LRRK1: variants seen among roughly 807,000 people sequenced by gnomAD.
The protein encoded by LRRK1 is leucine-rich repeat serine/threonine-protein kinase 1.
Under a neutral mutation model 209.1 loss-of-function variants are expected in LRRK1, and 113 were observed. The observed-to-expected ratio is 0.54, with a 90% CI of 0.46 to 0.63. LRRK1 has a LOEUF of 0.63. Ranked by LOEUF, LRRK1 falls within the 30% of genes least tolerant of loss-of-function variation. LRRK1 has a pLI of 0.00. For missense variants in LRRK1, 2,284 were observed against 2,632.2 expected (o/e 0.87, Z 2.89); for synonymous variants, 1,144 against 1,099.7 (o/e 1.04, Z -0.80).
At chr15:101,007,326 A>C (rs1330005231) in intron 6 of LRRK1, among the ~76,000 whole-genome samples, 1 of 152,204 alleles carries the variant, frequency 6.6e-6, no homozygotes, top group African/African-American at 2.4e-5. Flanking sequence ...GCTTCGAAGA[A>C]ACAGACCCAA....
chr15:101,067,421 ATGTGTGTGTGTGTG>A (rs57333844), intron 33 of LRRK1: 12,779 of 295,202 alleles, frequency 0.043, 9 homozygotes, highest in South Asian at 0.076. Context: ...CTCAGTTCAA[ATGTGTGTGTGTGTG>A]TGTGTGTGTG....
chr15:100,938,044 A>G (rs1180494744), intron 2 of LRRK1, among the ~76,000 whole-genome samples: 2 of 149,494 alleles, frequency 1.3e-5, no homozygotes, highest in African/African-American at 5.0e-5. Flanking sequence ...TTTTTTGTAG[A>G]GATGGGGGTT....
intron 2 of LRRK1, among the ~76,000 whole-genome samples, chr15:100,956,457 T>TTTTCTTTTCTTTTC (rs1307728532): frequency 1.3e-4 from 15 of 115,226 alleles, no homozygotes; most frequent in African/African-American, 3.7e-4. Flanking sequence ...TTTTTTTTCT[T>TTTTCTTTTCTTTTC]TTTTTTTTTT....
intron 3 of LRRK1, among the ~76,000 whole-genome samples, chr15:100,976,987 A>G (rs1312455335): frequency 1.3e-5 from 2 of 152,224 alleles, no homozygotes; most frequent in African/African-American, 4.8e-5. Flanking sequence ...TCTTCTTCTC[A>G]CTAAGTGCAC....
chr15:100,990,858 A>G (rs539825399), intron 6 of LRRK1, among the ~76,000 whole-genome samples: 2 of 152,146 alleles, frequency 1.3e-5, no homozygotes, highest in African/African-American at 4.8e-5. Context: ...CAATATGTTC[A>G]TCTTCTCCTT....
At position 101,022,063 on chromosome 15, in the gene LRRK1, A is replaced by C. The variant is rs183101445; in HGVS notation, c.1852+106A>C. On this transcript the variant is annotated intron_variant, in intron 14 of 33. Transcript: ENST00000388948. The surrounding 1 kb of genome is among the most constrained non-coding windows in gnomAD (Gnocchi z 4.0). ...AGACAGTTGGTGACCCATGGAGCCC[A>C]GCTCCAGGTTCCAGATTTGACAAGA... 1.2e-5 allele frequency: 9 copies of C among 770,034 alleles called. No homozygotes were observed. In the East Asian group the frequency reaches 1.3e-4, roughly 11 times the overall value. 47.7% of individuals were successfully genotyped at this position (770,034 alleles called of 1,614,324 possible).
At chr15:101,015,270 A>C (rs1567233766) in intron 11 of LRRK1, 56 bp from the exon 12 acceptor site, 1 of 1,410,746 alleles carries the variant, frequency 7.1e-7, no homozygotes, top group African/African-American at 1.4e-5. Context: ...ATCACAGCCA[A>C]AAGTAATGCT....
intron 2 of LRRK1, among the ~76,000 whole-genome samples, chr15:100,959,737 T>C (rs2042836927): frequency 6.6e-6 from 1 of 152,204 alleles, no homozygotes; most frequent in Non-Finnish European, 1.5e-5. Flanking sequence ...TGTGCCATTT[T>C]CTTTTACAAG....
chr15:101,040,199 T>C (rs1189385369), intron 20 of LRRK1, among the ~76,000 whole-genome samples: 1 of 152,174 alleles, frequency 6.6e-6, no homozygotes, highest in Non-Finnish European at 1.5e-5. Context: ...CACAAGAGGA[T>C]TTTTAATTAC....
chr15:100,927,382 G>C (rs1170149319), intron 2 of LRRK1, among the ~76,000 whole-genome samples: 1 of 152,154 alleles, frequency 6.6e-6, no homozygotes, highest in African/African-American at 2.4e-5. Flanking sequence ...CTGCTCCTTA[G>C]GAGGTGTCCT....
At chr15:101,062,429 C>A in intron 30 of LRRK1, 145 bp from the exon 31 acceptor site, 1 of 625,946 alleles carries the variant, frequency 1.6e-6, no homozygotes, top group Non-Finnish European at 2.9e-6. Flanking sequence ...AATCCATAAA[C>A]AACCCACCAG....
Position 101,024,019 on chromosome 15 carries a change from C to T in LRRK1, c.2068-784C>T, listed in dbSNP as rs914744820. The stretch of plus-strand genomic sequence containing the variant: ...AGGCCTGAGGGGTGAATTCGTGCTT[C>T]TATTTTTCCTGACCTTCACCCCCAC... On this transcript the variant is annotated intron_variant, in intron 15 of 33. Transcript: ENST00000388948. This position sits in a 1 kb window ranked among gnomAD's most constrained non-coding sequence, Gnocchi z 4.6. 1.2e-4 allele frequency among the ~76,000 whole-genome samples: 19 copies of T among 152,166 alleles called. No homozygotes were observed. Among genetic ancestry groups the T allele is most frequent in the African/African-American group, 4.1e-4 (17 of 41,454 alleles).
chr15:100,925,639 T>C (rs545538735), intron 2 of LRRK1, among the ~76,000 whole-genome samples: 3 of 152,374 alleles, frequency 2.0e-5, no homozygotes, highest in Non-Finnish European at 2.9e-5. Flanking sequence ...TTAAGACCAA[T>C]AGGATATCAT....
intron 10 of LRRK1, among the ~76,000 whole-genome samples, chr15:101,012,731 C>G (rs902516334): frequency 2.6e-5 from 4 of 152,136 alleles, no homozygotes; most frequent in Non-Finnish European, 5.9e-5. Flanking sequence ...CCTGGTGCAG[C>G]CTCTTGTGTG....
rs1169854573 is a variant in LRRK1 at position 101,048,738 on chromosome 15, ATCC to A, written c.3299+84_3299+86del. 4.1e-6 allele frequency: 5 copies of A among 1,220,772 alleles called. No homozygotes were observed. In the Admixed American group the frequency reaches 1.5e-4, roughly 36 times the overall value. The allele number at this position is 1,220,772 out of a possible 1,614,324, so 75.6% of individuals were successfully genotyped here. A position where few individuals can be genotyped will look rare whatever the true frequency, so the allele number is the denominator to read the frequency against. ...CGGGGCCACGTCAGCAGGATGCCTC[ATCC>A]TCTTGGTGTCCAGAATTTTGCTCGT... On this transcript the variant is annotated intron_variant, in intron 22 of 33. Transcript: ENST00000388948.
At chr15:100,973,548 G>A (rs1224682404) in intron 2 of LRRK1, among the ~76,000 whole-genome samples, 2 of 152,172 alleles carry the variant, frequency 1.3e-5, no homozygotes, top group African/African-American at 4.8e-5. Flanking sequence ...TGCCCTGGAA[G>A]GGCTCCAGGT....
chr15:100,984,307 T>C (rs1029019217), intron 4 of LRRK1, among the ~76,000 whole-genome samples: 1 of 152,242 alleles, frequency 6.6e-6, no homozygotes, highest in African/African-American at 2.4e-5. Flanking sequence ...TCAACTAATA[T>C]TGATACCTTC....
In LRRK1 at chr15:101,027,943, CCT is replaced by C. The variant is rs1425001458; in HGVS notation, c.2686+150_2686+151del. 3.2e-5 allele frequency: 23 copies of C among 711,254 alleles called. No individual in the cohort carries two copies. The South Asian group carries it at 4.0e-4, about 12-fold the overall frequency. The allele number at this position is 711,254 out of a possible 1,614,324, so 44.1% of individuals were successfully genotyped here. ...TCCATCCCCCTCCCCTTCCTTCTTCCCTCTCACCCTTCTTTCCTTGGAGGGAG... is the reference window on the plus strand; with the variant it reads ...TCCATCCCCCTCCCCTTCCTTCTTCCCTCACCCTTCTTTCCTTGGAGGGAG... On this transcript the variant is annotated intron_variant, in intron 19 of 33. Transcript: ENST00000388948. This position sits in a 1 kb window ranked among gnomAD's most constrained non-coding sequence, Gnocchi z 5.1.
intron 24 of LRRK1, among the ~76,000 whole-genome samples, chr15:101,052,492 C>T (rs559293327): frequency 1.3e-5 from 2 of 152,056 alleles, no homozygotes; most frequent in African/African-American, 4.8e-5. Context: ...GTCTGTAGCC[C>T]TAGCGCTGAG....
Sources: gnomAD v4.1 joint callset for allele counts (sites outside exome capture counted in the v4.1 genomes callset) on GRCh38, gnomAD v4.1.1 for gene constraint, Gnocchi (gnomAD v3.1) non-coding constraint, MANE v1.5 for transcripts, NCBI Gene and HGNC (gene_info 2026-07-23, HGNC 2026-07-21) for gene names.